The following ITGB6 variants were observed in gnomAD, a reference collection of about 807,000 sequenced individuals.
ITGB6 encodes integrin subunit beta 6, also known as integrin beta-6.
ITGB6 carries 80 observed loss-of-function variants against 84.5 expected under a neutral mutation model. That is an observed-to-expected ratio of 0.95 (90% CI 0.79 to 1.14). ITGB6 has a LOEUF of 1.14. Among genes scored for constraint, ITGB6 ranks in the 50% most tolerant of loss-of-function variants. The probability of loss-of-function intolerance (pLI) is 0.00; values close to 1 mark genes in which losing one functional copy is unlikely to be tolerated. For missense variants in ITGB6, 1,006 were observed against 968.0 expected (o/e 1.04, Z -0.52); for synonymous variants, 383 against 354.9 (o/e 1.08, Z -0.89).
At chr2:160,104,226 T>C (rs1696823958) in intron 14 of ITGB6, among the ~76,000 whole-genome samples, 1 of 152,130 alleles carries the variant, frequency 6.6e-6, no homozygotes, top group African/African-American at 2.4e-5. Context: ...AGCAAGTACA[T>C]ATTGCTGTTG....
chr2:160,196,144 A>G, intron 3 of ITGB6, 72 bp downstream of exon 3: 1 of 1,216,220 alleles, frequency 8.2e-7, no homozygotes, highest in East Asian at 2.3e-5. Context: ...ATGATACAAG[A>G]CACATTAGCA....
chr2:160,116,279 A>C (rs1157069852), intron 12 of ITGB6, among the ~76,000 whole-genome samples: 1 of 151,960 alleles, frequency 6.6e-6, no homozygotes, highest in Non-Finnish European at 1.5e-5. Flanking sequence ...TGGGTTACCC[A>C]CAAAGGGAAG....
intron 12 of ITGB6, among the ~76,000 whole-genome samples, chr2:160,116,673 T>A (rs1682784987): frequency 6.6e-6 from 1 of 152,184 alleles, no homozygotes; most frequent in Non-Finnish European, 1.5e-5. Context: ...ATATTAACTT[T>A]AAATGTAAAT....
At chr2:160,107,510 C>T (rs1446677755) in intron 14 of ITGB6, among the ~76,000 whole-genome samples, 169 bp downstream of exon 14, 4 of 152,184 alleles carry the variant, frequency 2.6e-5, no homozygotes, top group African/African-American at 7.2e-5. Flanking sequence ...TCATCTGGAC[C>T]TTTGCCCCTG....
chr2:160,174,208 G>T (rs1685325644), intron 4 of ITGB6, 69 bp from the exon 5 acceptor site: 3 of 1,161,212 alleles, frequency 2.6e-6, no homozygotes, highest in Non-Finnish European at 2.4e-6. Flanking sequence ...GGATCTAATA[G>T]CTTAGCAACA....
At chr2:160,191,743 T>C (rs985844392) in intron 4 of ITGB6, among the ~76,000 whole-genome samples, 2 of 152,142 alleles carry the variant, frequency 1.3e-5, no homozygotes, top group African/African-American at 2.4e-5. Context: ...ATAGATGATG[T>C]GATCATATAC....
chr2:160,114,340 G>A (rs1682666913), intron 12 of ITGB6, among the ~76,000 whole-genome samples: 1 of 152,160 alleles, frequency 6.6e-6, no homozygotes. Context: ...ATAGAAAATG[G>A]ATCTCTCTTT....
Position 160,200,214 on chromosome 2 carries a change from A to C in ITGB6, c.-151T>G, listed in dbSNP as rs1686504866. ...GCTTTGAAAAGAAACTTGAGATATA[A>C]GTTAGAAAGTTTTCATTAAGACTGA... On this transcript the variant is annotated 5_prime_UTR_variant, in exon 1 of 15. Transcript: ENST00000283249. 2 of 604,896 alleles carry C rather than the reference A, an allele frequency of 3.3e-6. No individual in the cohort carries two copies. The highest frequency in any genetic ancestry group is 5.7e-6 in the Non-Finnish European group (2 of 352,946). 37.5% of individuals were successfully genotyped at this position (604,896 alleles called of 1,614,324 possible). A position where few individuals can be genotyped will look rare whatever the true frequency, so the allele number is the denominator to read the frequency against.
intron 7 of ITGB6, among the ~76,000 whole-genome samples, chr2:160,162,308 T>G (rs1028610690): frequency 1.3e-5 from 2 of 152,126 alleles, no homozygotes; most frequent in Non-Finnish European, 2.9e-5. Flanking sequence ...GTGTACAGCA[T>G]GAAATTAAGC....
chr2:160,198,196 T>TA (rs1330054545), intron 2 of ITGB6, among the ~76,000 whole-genome samples: 11 of 152,144 alleles, frequency 7.2e-5, no homozygotes, highest in East Asian at 3.9e-4. Context: ...ATACAGGAAC[T>TA]AAAAAAAAGC....
rs1683256348 is a variant in ITGB6 at position 160,126,611 on chromosome 2, A to G, written c.1661-10T>C. The G allele has an allele frequency of 6.2e-7, 1 of 1,610,872 alleles. No individual in the cohort carries two copies. The highest frequency in any genetic ancestry group is 2.2e-5 in the East Asian group (1 of 44,828). On this transcript the variant is annotated splice_polypyrimidine_tract_variant and intron_variant, in intron 10 of 14. Coordinates refer to ENST00000283249, the MANE Select transcript of ITGB6 (RefSeq NM_000888.5). Reference sequence around the variant, plus strand: ...TCACAGTCGCCGTTACCTGTAACACAAAATGCTCTATGCTTCTCACAGCCC... The same window carrying G: ...TCACAGTCGCCGTTACCTGTAACACGAAATGCTCTATGCTTCTCACAGCCC...
chr2:160,171,342 T>A (rs762379324), intron 6 of ITGB6, among the ~76,000 whole-genome samples: 45 of 149,712 alleles, frequency 3.0e-4, no homozygotes, highest in Middle Eastern at 3.4e-3. Context: ...TTTTTATTTT[T>A]TTTTTTTTTG....
Position 160,115,777 on chromosome 2 carries a change from G to A in ITGB6, c.1982-3578C>T, listed in dbSNP as rs556383832. ...TAAAAACTGTGAAAAAAAATTAGACGAATGGATAACTAGAATAATCAACGC... is the reference window on the plus strand; with the variant it reads ...TAAAAACTGTGAAAAAAAATTAGACAAATGGATAACTAGAATAATCAACGC... On this transcript the variant is annotated intron_variant, in intron 12 of 14. Transcript: ENST00000283249. Among the ~76,000 whole-genome samples, 108 of 152,280 alleles carry A rather than the reference G, an allele frequency of 7.1e-4. 1 individual carries two copies. In the Middle Eastern group the frequency reaches 0.017, roughly 24 times the overall value.
intron 10 of ITGB6, among the ~76,000 whole-genome samples, chr2:160,128,048 C>A (rs116320451): frequency 6.6e-6 from 1 of 152,142 alleles, no homozygotes; most frequent in African/African-American, 2.4e-5. Context: ...ACTTAACACA[C>A]TTTAATTGAG....
chr2:160,138,604 G>A (rs973113651), intron 8 of ITGB6, among the ~76,000 whole-genome samples: 1 of 152,142 alleles, frequency 6.6e-6, no homozygotes, highest in African/African-American at 2.4e-5. Context: ...TTATATCTCA[G>A]TAACAAAATT....
chr2:160,170,040 T>G (rs1685145228), intron 6 of ITGB6, among the ~76,000 whole-genome samples: 1 of 152,240 alleles, frequency 6.6e-6, no homozygotes, highest in South Asian at 2.1e-4. Context: ...ATTTGCCCAT[T>G]ATATGAATCT....
chr2:160,126,700 T>A, intron 10 of ITGB6, 99 bp from the exon 11 acceptor site: 1 of 1,126,656 alleles, frequency 8.9e-7, no homozygotes. Context: ...AGCACCGTCA[T>A]CAAAAGACAA....
intron 4 of ITGB6, chr2:160,179,127 A>G (rs567229353): frequency 1.3e-5 from 2 of 152,158 alleles, no homozygotes; most frequent in Admixed American, 6.5e-5. Context: ...ATGATAAAAC[A>G]CAATATAAAT....
intron 10 of ITGB6, among the ~76,000 whole-genome samples, chr2:160,135,661 A>C (rs1257101094): frequency 6.9e-6 from 1 of 145,354 alleles, no homozygotes; most frequent in African/African-American, 2.6e-5. Flanking sequence ...CTATACTACA[A>C]GGCTACAGTA....
Sources: gnomAD v4.1 joint callset for allele counts (sites outside exome capture counted in the v4.1 genomes callset) on GRCh38, gnomAD v4.1.1 for gene constraint, MANE v1.5 for transcripts, NCBI Gene and HGNC (gene_info 2026-07-23, HGNC 2026-07-21) for gene names.